Variants in SNX29 observed in about 807,000 individuals in gnomAD.
SNX29 encodes the protein sorting nexin-29.
Under a neutral mutation model 102.1 loss-of-function variants are expected in SNX29, and 78 were observed. That is an observed-to-expected ratio of 0.76 (90% CI 0.64 to 0.92). SNX29 has a LOEUF of 0.92. SNX29 is among the 40% of genes least tolerant of loss of function. SNX29 has a pLI of 0.00. For missense variants in SNX29, 1,280 were observed against 1,061.7 expected (o/e 1.21, Z -2.86); for synonymous variants, 580 against 414.5 (o/e 1.40, Z -4.85).
intron 18 of SNX29, among the ~76,000 whole-genome samples, chr16:12,469,488 G>GA (rs1567596018): frequency 6.6e-6 from 1 of 152,164 alleles, no homozygotes; most frequent in African/African-American, 2.4e-5. Flanking sequence ...TTGAAGAATC[G>GA]TTGTTATCCT....
chr16:12,526,654 C>T (rs1308713733), intron 20 of SNX29: 4 of 522,572 alleles, frequency 7.7e-6, no homozygotes, highest in South Asian at 3.2e-5. Context: ...GAATTAGCCT[C>T]TCGCGGAGTC....
intron 15 of SNX29, among the ~76,000 whole-genome samples, chr16:12,305,720 C>G (rs1263071733): frequency 6.6e-6 from 1 of 152,212 alleles, no homozygotes; most frequent in Non-Finnish European, 1.5e-5. Context: ...TGTATCCAGA[C>G]TCCGAAAACT....
At chr16:12,472,554 A>G (rs575654963) in intron 18 of SNX29, among the ~76,000 whole-genome samples, 13 of 151,862 alleles carry the variant, frequency 8.6e-5, no homozygotes, top group Admixed American at 5.2e-4. Context: ...CAAAAAAAAA[A>G]AGAAAAAAAC....
At chr16:12,475,144 G>A (rs1567601705) in intron 18 of SNX29, among the ~76,000 whole-genome samples, 1 of 152,184 alleles carries the variant, frequency 6.6e-6, no homozygotes, top group Non-Finnish European at 1.5e-5. Context: ...GAAATGAATG[G>A]CCAGAAAGGT....
chr16:12,030,482 C>A (rs2057307852), intron 4 of SNX29, among the ~76,000 whole-genome samples: 1 of 152,222 alleles, frequency 6.6e-6, no homozygotes, highest in Non-Finnish European at 1.5e-5. Context: ...CCTTCTCCCT[C>A]TTCTCTGCCC....
intron 18 of SNX29, among the ~76,000 whole-genome samples, chr16:12,427,958 G>C (rs138004078): frequency 6.6e-6 from 1 of 152,358 alleles, no homozygotes; most frequent in African/African-American, 2.4e-5. Flanking sequence ...CCCTGCAGCA[G>C]CTTCATTTGC....
At chr16:12,372,141 T>A (rs1208869749) in intron 16 of SNX29, among the ~76,000 whole-genome samples, 1 of 152,220 alleles carries the variant, frequency 6.6e-6, no homozygotes, top group East Asian at 1.9e-4. Flanking sequence ...GGCATATATA[T>A]ACACACACAC....
At chr16:12,266,828 A>G (rs1292623244) in intron 14 of SNX29, among the ~76,000 whole-genome samples, 1 of 152,124 alleles carries the variant, frequency 6.6e-6, no homozygotes, top group Non-Finnish European at 1.5e-5. Context: ...CAGTGGCACA[A>G]TCTCAGCTCA....
intron 18 of SNX29, among the ~76,000 whole-genome samples, chr16:12,445,276 T>G (rs1294445493): frequency 2.0e-5 from 3 of 152,246 alleles, no homozygotes; most frequent in Non-Finnish European, 4.4e-5. Flanking sequence ...AGAGCCCGTA[T>G]TATCCACAAA....
At chr16:12,316,118 G>A (rs28455849) in intron 15 of SNX29, among the ~76,000 whole-genome samples, 12,482 of 152,176 alleles carry the variant, frequency 0.082, 1,701 homozygotes, top group African/African-American at 0.28. Flanking sequence ...TAGGAGGGGA[G>A]CATCCCAGGC....
chr16:12,570,152 C>T lies in SNX29; in HGVS notation c.*1523C>T. 9.4e-7 allele frequency: 1 copy of T among 1,064,576 alleles called. No homozygotes were observed. The highest frequency in any genetic ancestry group is 1.1e-6 in the Non-Finnish European group (1 of 878,610). 65.9% of individuals were successfully genotyped at this position (1,064,576 alleles called of 1,614,324 possible). A position where few individuals can be genotyped will look rare whatever the true frequency, so the allele number is the denominator to read the frequency against. On this transcript the variant is annotated 3_prime_UTR_variant, in exon 21 of 21. Coordinates refer to ENST00000566228, the MANE Select transcript of SNX29 (RefSeq NM_032167.5). ...TTAAGGAAGGCTGAGATCACTCACA[C>T]ACAGCGCCCCCCCACCCCAGAGAAA... is the stretch of plus-strand genomic sequence containing the variant.
At chr16:12,169,250 G>T (rs73521809) in intron 13 of SNX29, among the ~76,000 whole-genome samples, 1 of 152,134 alleles carries the variant, frequency 6.6e-6, no homozygotes, top group East Asian at 1.9e-4. Context: ...GAGGCTGTCC[G>T]GGAGCCCCAG....
chr16:12,217,022 G>A (rs943097866), intron 14 of SNX29, among the ~76,000 whole-genome samples: 2 of 152,146 alleles, frequency 1.3e-5, no homozygotes, highest in African/African-American at 4.8e-5. Context: ...GGGGACACCT[G>A]CTGGGTTTCT....
At chr16:12,060,788 C>T in intron 8 of SNX29, 1 of 456,312 alleles carries the variant, frequency 2.2e-6, no homozygotes, top group Non-Finnish European at 4.4e-6. Context: ...CAAACCCAAC[C>T]ACACTGCCTG....
At chr16:12,031,761 C>T (rs1488025876) in intron 4 of SNX29, among the ~76,000 whole-genome samples, 3 of 151,910 alleles carry the variant, frequency 2.0e-5, no homozygotes, top group African/African-American at 4.8e-5. Flanking sequence ...GCCGAGATCG[C>T]GCCACTGCAC....
intron 13 of SNX29, among the ~76,000 whole-genome samples, chr16:12,133,814 A>C (rs1392049792): frequency 6.6e-6 from 1 of 152,230 alleles, no homozygotes. Flanking sequence ...GAGCTAGTCT[A>C]TCTCCTACTC....
chr16:12,465,352 C>A (rs974732916), intron 18 of SNX29, among the ~76,000 whole-genome samples: 6 of 152,198 alleles, frequency 3.9e-5, no homozygotes, highest in African/African-American at 1.2e-4. Context: ...ACAGATCTTA[C>A]ACTTAAGTCT....
At chr16:12,524,171 A>G (rs1316906707) in intron 19 of SNX29, among the ~76,000 whole-genome samples, 1 of 152,258 alleles carries the variant, frequency 6.6e-6, no homozygotes, top group South Asian at 2.1e-4. Flanking sequence ...GTTTTTCAAG[A>G]GAATACGGAA....
chr16:12,425,423 C>T (rs749456451), intron 18 of SNX29, among the ~76,000 whole-genome samples: 2 of 151,432 alleles, frequency 1.3e-5, no homozygotes, highest in Admixed American at 6.6e-5. Context: ...ACTTAGTCAC[C>T]GGAGCACAGA....
Sources: allele counts gnomAD v4.1 joint callset (sites outside exome capture counted in the v4.1 genomes callset), GRCh38; gene constraint gnomAD v4.1.1; transcripts MANE v1.5; gene names NCBI Gene and HGNC (gene_info 2026-07-23, HGNC 2026-07-21).